MDM2: variants seen among roughly 807,000 people sequenced by gnomAD.
MDM2 encodes E3 ubiquitin-protein ligase Mdm2.
Under a neutral mutation model 64.3 loss-of-function variants are expected in MDM2, and 11 were observed. The ratio of observed to expected loss-of-function variants is 0.17; its 90% CI spans 0.11 to 0.28. MDM2 has a LOEUF of 0.28. Among genes scored for constraint, MDM2 ranks in the 10% least tolerant of loss-of-function variants. The pLI is 1.00. For synonymous variants in MDM2, 194 were observed against 192.9 expected (o/e 1.01, Z -0.05); for missense variants, 388 against 577.1 (o/e 0.67, Z 3.36).
chr12:68,824,978 G>T (rs1486558221), intron 7 of MDM2, among the ~76,000 whole-genome samples: 1 of 152,148 alleles, frequency 6.6e-6, no homozygotes, highest in Non-Finnish European at 1.5e-5. Context: ...GGAGGCCGAG[G>T]CTGGCGGATC....
intron 8 of MDM2, among the ~76,000 whole-genome samples, chr12:68,832,303 C>A (rs1177587221): frequency 3.9e-5 from 6 of 152,072 alleles, no homozygotes; most frequent in African/African-American, 1.4e-4. Context: ...AGACTGTGTT[C>A]TAGACTGTAC....
downstream of MDM2, chr12:68,849,390 G>GTT (rs67479332): frequency 2.1e-3 from 277 of 129,160 alleles, no homozygotes; most frequent in African/African-American, 6.4e-3. Context: ...GCGCCTGGCC[G>GTT]TTTTTTTTTT....
At chr12:68,810,607 G>A (rs1032153511) in intron 2 of MDM2, among the ~76,000 whole-genome samples, 1 of 151,194 alleles carries the variant, frequency 6.6e-6, no homozygotes, top group Non-Finnish European at 1.5e-5. Context: ...GACTACAGGC[G>A]CCCACCACCA....
chr12:68,839,457 T>C lies in MDM2; in HGVS notation c.1102T>C (p.Cys368Arg). ...QAEEGFDVPD[C>R]KKTIVNDSRE... ...TGAAGAGGGCTTTGATGTTCCTGATTGTAAAAAAACTATAGTGAATGATTC... is the reference window on the plus strand; with the variant it reads ...TGAAGAGGGCTTTGATGTTCCTGATCGTAAAAAAACTATAGTGAATGATTC... The change falls in exon 11 of 11, where the codon TGT (cysteine) becomes CGT (arginine). Residue 368 changes from cysteine to arginine, a missense_variant. Coordinates refer to ENST00000258149, the MANE Select transcript of MDM2 (RefSeq NM_002392.6). 1 of 1,613,890 alleles carries C rather than the reference T, an allele frequency of 6.2e-7. No individual in the cohort carries two copies. The highest frequency in any genetic ancestry group is 8.5e-7 in the Non-Finnish European group (1 of 1,179,998).
At chr12:68,831,690 C>T (rs1266118009) in intron 8 of MDM2, among the ~76,000 whole-genome samples, 1 of 152,152 alleles carries the variant, frequency 6.6e-6, no homozygotes, top group East Asian at 1.9e-4. Context: ...AAAATAATTT[C>T]TTAATAACTC....
At chr12:68,835,229 C>T (rs529302928) in intron 8 of MDM2, among the ~76,000 whole-genome samples, 19 of 152,222 alleles carry the variant, frequency 1.2e-4, no homozygotes, top group African/African-American at 4.1e-4. Flanking sequence ...CTATATAATT[C>T]ATTATTATAC....
chr12:68,816,420 C>T (rs573876805), intron 3 of MDM2, among the ~76,000 whole-genome samples: 10 of 120,664 alleles, frequency 8.3e-5, no homozygotes, highest in South Asian at 2.7e-4. Flanking sequence ...TTGCTTAAGC[C>T]GGAGTGCAGT....
rs909567341 is a variant in MDM2 at position 68,808,926 on chromosome 12, C to T, written c.15-282C>T. On this transcript the variant is annotated intron_variant, in intron 1 of 10. Coordinates refer to ENST00000258149, the MANE Select transcript of MDM2 (RefSeq NM_002392.6). ...ACTCAGCTTTTCCTCTTGAGCTGGT[C>T]AAGTTCAGACACGTTCCGAAACTGC... The T allele has an allele frequency of 5.9e-6, 8 of 1,365,234 alleles. No individual in the cohort carries two copies. In the African/African-American group the frequency reaches 1.0e-4, roughly 18 times the overall value. 84.6% of individuals were successfully genotyped at this position (1,365,234 alleles called of 1,614,324 possible). A position where few individuals can be genotyped will look rare whatever the true frequency, so the allele number is the denominator to read the frequency against.
At chr12:68,835,734 G>A (rs1883253552) in intron 8 of MDM2, 95 bp from the exon 9 acceptor site, 9 of 1,237,186 alleles carry the variant, frequency 7.3e-6, no homozygotes, top group Non-Finnish European at 3.4e-6. Flanking sequence ...GTTACACCCT[G>A]CTGGCAGCAG....
Position 68,845,263 on chromosome 12 carries a change from G to A in MDM2, c.*5414G>A, listed in dbSNP as rs1884193163. The stretch of plus-strand genomic sequence containing the variant: ...TTGTTTAAAAGTTTGTGATCATATT[G>A]TCTACCATGTAGCCAGCTTTCAATT... On this transcript the variant is annotated 3_prime_UTR_variant, in exon 11 of 11. Transcript: ENST00000258149. 4.7e-6 allele frequency: 1 copy of A among 214,590 alleles called. No individual in the cohort carries two copies. 13.3% of individuals were successfully genotyped at this position (214,590 alleles called of 1,614,324 possible).
chr12:68,845,187 A>G lies in MDM2; in HGVS notation c.*5338A>G. The G allele has an allele frequency of 4.7e-6, 1 of 214,414 alleles. No homozygotes were observed. The highest frequency in any genetic ancestry group is 6.6e-5 in the East Asian group (1 of 15,112). The allele number at this position is 214,414 out of a possible 1,614,324, so 13.3% of individuals were successfully genotyped here. On this transcript the variant is annotated 3_prime_UTR_variant, in exon 11 of 11. Transcript: ENST00000258149. Reference sequence around the variant, plus strand: ...GCTTTATGGGTGGATGCTGAATTACATTTTGATTTGATACTTATAAAAAGA... The same window carrying G: ...GCTTTATGGGTGGATGCTGAATTACGTTTTGATTTGATACTTATAAAAAGA...
intron 1 of MDM2, 56 bp downstream of exon 1, chr12:68,808,547 T>G (rs968190338): frequency 2.5e-6 from 4 of 1,610,902 alleles, no homozygotes; most frequent in Admixed American, 1.7e-5. Context: ...CGGTGTCCCC[T>G]CTATCGCTGG....
chr12:68,828,798 A>G lies in MDM2; in HGVS notation c.551A>G (p.Glu184Gly). ...GAAAATTCAGATGAATTATCTGGTG[A>G]ACGACAAAGAAAACGCCACAAATCT... ...TEENSDELSG[E>G]RQRKRHKSDS... Residue 184 changes from glutamate to glycine, a missense_variant, in exon 8 of 11, where the codon GAA (glutamate) becomes GGA (glycine). Coordinates refer to ENST00000258149, the MANE Select transcript of MDM2 (RefSeq NM_002392.6). 3.7e-6 allele frequency: 6 copies of G among 1,614,102 alleles called. No homozygotes were observed. Among genetic ancestry groups the G allele is most frequent in the Non-Finnish European group, 5.1e-6 (6 of 1,179,982 alleles).
intron 8 of MDM2, among the ~76,000 whole-genome samples, chr12:68,832,725 C>G (rs76686311): frequency 1.3e-5 from 2 of 151,454 alleles, no homozygotes; most frequent in African/African-American, 4.9e-5. Context: ...TGGCCTGTTG[C>G]CCAGGCTGGT....
At chr12:68,839,142 T>C in intron 10 of MDM2, 132 bp from the exon 11 acceptor site, 1 of 760,044 alleles carries the variant, frequency 1.3e-6, no homozygotes, top group Middle Eastern at 2.4e-4. Context: ...GACTATTTTA[T>C]ATAAAACATG....
At chr12:68,813,701 T>G in intron 3 of MDM2, 73 bp downstream of exon 3, 3 of 1,048,266 alleles carry the variant, frequency 2.9e-6, no homozygotes, top group Admixed American at 2.2e-5. Context: ...CAAGACCATG[T>G]GGAGAAATTG....
At position 68,824,571 on chromosome 12, in the gene MDM2, T is replaced by C. The variant is rs375992646; in HGVS notation, c.443T>C (p.Leu148Pro). The C allele has an allele frequency of 1.2e-6, 2 of 1,613,438 alleles. No individual in the cohort carries two copies. The change falls in exon 7 of 11, where the codon CTT becomes CCT. Residue 148 changes from leucine to proline, a missense_variant. Leu to Pro is a moderately conservative substitution (Grantham distance 98). Coordinates refer to ENST00000258149, the MANE Select transcript of MDM2 (RefSeq NM_002392.6). ...GSDQKDLVQE[L>P]QEEKPSSSHL... ...AATGCTTAGGACCTTGTACAAGAGC[T>C]TCAGGAAGAGAAACCTTCATCTTCA...
Position 68,809,102 on chromosome 12 carries a change from C to G in MDM2, c.15-106C>G. The G allele has an allele frequency of 4.5e-6, 7 of 1,544,920 alleles. No individual in the cohort carries two copies. The South Asian group carries it at 8.7e-5, about 19-fold the overall frequency. The stretch of plus-strand genomic sequence containing the variant: ...GCTGATCCAGGTAAGCACCGACTTG[C>G]TTGTAGCTTTAGTTTTAACTGTTGT... On this transcript the variant is annotated intron_variant, in intron 1 of 10. Transcript: ENST00000258149.
rs1490720844 is a variant in MDM2 at position 68,839,762 on chromosome 12, A to G, written c.1407A>G (p.Thr469=). ...CAGGACATCTTATGGCCTGCTTTAC[A>G]TGTGCAAAGAAGCTAAAGAAAAGGA... ...GKTGHLMACF[T]CAKKLKKRNK... is the part of the protein sequence containing the mutation. The change falls in exon 11 of 11, where the codon ACA becomes ACG. Residue 469 remains threonine (T), a synonymous_variant. Coordinates refer to ENST00000258149, the MANE Select transcript of MDM2 (RefSeq NM_002392.6). The G allele has an allele frequency of 3.1e-6, 5 of 1,614,056 alleles. No homozygotes were observed. In the South Asian group the frequency reaches 3.3e-5, roughly 11 times the overall value.
Sources: gnomAD v4.1 joint callset for allele counts (sites outside exome capture counted in the v4.1 genomes callset) on GRCh38, gnomAD v4.1.1 for gene constraint, MANE v1.5 for transcripts, NCBI Gene and HGNC (gene_info 2026-07-23, HGNC 2026-07-21) for gene names.